MECOM: variants seen among roughly 807,000 people sequenced by gnomAD.
MECOM encodes the protein histone-lysine N-methyltransferase MECOM.
A neutral mutation model predicts 116.3 loss-of-function variants in MECOM; 13 were observed. The observed-to-expected ratio is 0.11, with a 90% CI of 0.07 to 0.18. MECOM has a LOEUF of 0.18. Among genes scored for constraint, MECOM ranks in the 10% least tolerant of loss-of-function variants. MECOM has a pLI of 1.00. For missense variants in MECOM, 1,299 were observed against 1,509.0 expected (o/e 0.86, Z 2.31); for synonymous variants, 528 against 535.2 (o/e 0.99, Z 0.19).
chr3:169,115,684 C>T lies in MECOM; in HGVS notation c.2188G>A (p.Val730Ile). 1 of 1,614,128 alleles carries T rather than the reference C, an allele frequency of 6.2e-7. No homozygotes were observed. Among genetic ancestry groups the T allele is most frequent in the Non-Finnish European group, 8.5e-7 (1 of 1,180,020 alleles). The change falls in exon 8 of 17, where the codon GTA (valine) becomes ATA (isoleucine). Residue 730 changes from valine to isoleucine, a missense_variant. Val to Ile is a conservative substitution (Grantham distance 29). Coordinates refer to ENST00000651503, the MANE Select transcript of MECOM (RefSeq NM_004991.4). ...GAGCTGCCCTTCTGCAGTTTCTTTA[C>T]TTCACCTGGTGATTGGGGTTCCATT... ...LKMEPQSPGE[V>I]KKLQKGSSES... is the part of the protein sequence containing the mutation.
intron 2 of MECOM, among the ~76,000 whole-genome samples, chr3:169,321,198 A>C (rs189943970): frequency 1.1e-4 from 16 of 152,364 alleles, no homozygotes; most frequent in Non-Finnish European, 2.2e-4. Flanking sequence ...AAACTACTAC[A>C]TTAAAAGTAA....
chr3:169,590,958 C>G (rs1766331306), intron 1 of MECOM, among the ~76,000 whole-genome samples: 1 of 152,180 alleles, frequency 6.6e-6, no homozygotes, highest in Non-Finnish European at 1.5e-5. Context: ...TTCTGCAGAA[C>G]CTATTAGAGA....
chr3:169,632,392 A>AG (rs1228395697), intron 1 of MECOM, among the ~76,000 whole-genome samples: 1 of 145,618 alleles, frequency 6.9e-6, no homozygotes, highest in Non-Finnish European at 1.5e-5. Context: ...AATACTTCGG[A>AG]GAAAAAAAAA....
At chr3:169,457,873 A>G (rs921912568) in intron 1 of MECOM, among the ~76,000 whole-genome samples, 3 of 152,226 alleles carry the variant, frequency 2.0e-5, no homozygotes, top group Non-Finnish European at 2.9e-5. Flanking sequence ...CGAAAATGTG[A>G]TGTAACCTAA....
chr3:169,085,131 A>C (rs1717241612), intron 16 of MECOM, 88 bp from the exon 17 acceptor site: 6 of 1,535,272 alleles, frequency 3.9e-6, no homozygotes, highest in Non-Finnish European at 5.4e-6. Flanking sequence ...ATGGAAAGGG[A>C]TGGGACCCTG....
At chr3:169,555,457 C>T (rs1191344703) in intron 1 of MECOM, among the ~76,000 whole-genome samples, 7 of 152,266 alleles carry the variant, frequency 4.6e-5, no homozygotes, top group Non-Finnish European at 1.0e-4. Flanking sequence ...CTCCCAAGAC[C>T]CCCAAATAAG....
At chr3:169,208,824 G>A (rs1360116205) in intron 2 of MECOM, among the ~76,000 whole-genome samples, 1 of 146,756 alleles carries the variant, frequency 6.8e-6, no homozygotes, top group Non-Finnish European at 1.5e-5. Flanking sequence ...TTTCTTCACA[G>A]AATTAGAAAA....
At chr3:169,341,906 T>C (rs1273036244) in intron 2 of MECOM, among the ~76,000 whole-genome samples, 1 of 152,168 alleles carries the variant, frequency 6.6e-6, no homozygotes, top group Admixed American at 6.5e-5. Flanking sequence ...TTCTCCATGA[T>C]GTGCTTATTT....
intron 1 of MECOM, among the ~76,000 whole-genome samples, chr3:169,640,761 A>G (rs765587829): frequency 2.0e-4 from 30 of 152,248 alleles, no homozygotes; most frequent in Non-Finnish European, 3.5e-4. Flanking sequence ...TAGTAGACAC[A>G]GATTTAAACA....
intron 1 of MECOM, among the ~76,000 whole-genome samples, chr3:169,511,993 T>C (rs924275948): frequency 7.2e-5 from 11 of 152,158 alleles, no homozygotes; most frequent in African/African-American, 2.4e-4. Flanking sequence ...GAAATTCCCA[T>C]AGGGCACACA....
At chr3:169,565,983 G>T (rs1213313145) in intron 1 of MECOM, 2 of 440,558 alleles carry the variant, frequency 4.5e-6, no homozygotes, top group South Asian at 1.6e-5. Context: ...CTGTGTGGCT[G>T]GGGAGGCCTC....
chr3:169,599,489 G>A (rs923099262), intron 1 of MECOM, among the ~76,000 whole-genome samples: 2 of 148,930 alleles, frequency 1.3e-5, no homozygotes, highest in Admixed American at 1.3e-4. Context: ...CTCCAACCTG[G>A]CGACAGAGTG....
intron 2 of MECOM, among the ~76,000 whole-genome samples, chr3:169,262,552 A>G (rs756205101): frequency 1.3e-5 from 2 of 152,158 alleles, no homozygotes; most frequent in Non-Finnish European, 2.9e-5. Context: ...ATGTAGGTGA[A>G]GGCCACGGGT....
chr3:169,501,003 T>C (rs1161835375), intron 1 of MECOM, among the ~76,000 whole-genome samples: 1 of 152,036 alleles, frequency 6.6e-6, no homozygotes, highest in African/African-American at 2.4e-5. Context: ...TTGATCATTG[T>C]CTAGATTTTT....
intron 1 of MECOM, among the ~76,000 whole-genome samples, chr3:169,600,880 A>G (rs930133752): frequency 2.6e-5 from 4 of 152,252 alleles, no homozygotes; most frequent in African/African-American, 9.6e-5. Flanking sequence ...AAAGTAGAGT[A>G]GAAAGGCCAG....
rs909310296 is a variant in MECOM, at chr3:169,472,996, G to A, written c.38-91472C>T. ...TATGTAGACACCACCCAGATACCAT[G>A]CCAAATGTCAAAGATTTTTAAATCA... On this transcript the variant is annotated intron_variant, in intron 1 of 16. Coordinates refer to ENST00000651503, the MANE Select transcript of MECOM (RefSeq NM_004991.4). 4.1e-6 allele frequency: 4 copies of A among 981,664 alleles called. No individual in the cohort carries two copies. In the African/African-American group the frequency reaches 7.0e-5, roughly 17 times the overall value. The allele number at this position is 981,664 out of a possible 1,614,324, so 60.8% of individuals were successfully genotyped here.
At chr3:169,364,994 T>G (rs564848634) in intron 2 of MECOM, among the ~76,000 whole-genome samples, 1 of 152,180 alleles carries the variant, frequency 6.6e-6, no homozygotes, top group South Asian at 2.1e-4. Flanking sequence ...TGCTTGTCAG[T>G]TCTCTTATTA....
At position 169,211,046 on chromosome 3, in the gene MECOM, T is replaced by C. The variant is rs543158084; in HGVS notation, c.376-67214A>G. Among the ~76,000 whole-genome samples the C allele has an allele frequency of 2.6e-5, 4 of 152,332 alleles. No homozygotes were observed. In the South Asian group the frequency reaches 8.3e-4, roughly 32 times the overall value. On this transcript the variant is annotated intron_variant, in intron 2 of 16. Transcript: ENST00000651503. ...AATGGATATTTGTGCAGTTTCAATG[T>C]CCTGATTTTATGATTAATGGTATGT... is the stretch of plus-strand genomic sequence containing the variant.
intron 1 of MECOM, among the ~76,000 whole-genome samples, chr3:169,543,185 T>TTGAA (rs1760308815): frequency 6.6e-6 from 1 of 152,214 alleles, no homozygotes; most frequent in Non-Finnish European, 1.5e-5. Flanking sequence ...GCTCTGGCCA[T>TTGAA]TGAATGGGTC....
Sources: gnomAD v4.1 joint callset for allele counts (sites outside exome capture counted in the v4.1 genomes callset) on GRCh38, gnomAD v4.1.1 for gene constraint, MANE v1.5 for transcripts, NCBI Gene and HGNC (gene_info 2026-07-23, HGNC 2026-07-21) for gene names.